LARP1B: variants seen among roughly 807,000 people sequenced by gnomAD.
LARP1B encodes La ribonucleoprotein 1B.
Under a neutral mutation model 114.2 loss-of-function variants are expected in LARP1B, and 76 were observed. The observed-to-expected ratio is 0.67, with a 90% CI of 0.55 to 0.81. LARP1B has a LOEUF of 0.81. LARP1B is among the 30% of genes least tolerant of loss of function. LARP1B has a pLI of 0.00. For missense variants in LARP1B, 1,014 were observed against 1,075.8 expected (o/e 0.94, Z 0.80); for synonymous variants, 345 against 348.0 (o/e 0.99, Z 0.10).
intron 1 of LARP1B, among the ~76,000 whole-genome samples, chr4:128,068,689 A>G (rs977287203): frequency 6.6e-6 from 1 of 152,004 alleles, no homozygotes; most frequent in Non-Finnish European, 1.5e-5. Flanking sequence ...CTGCTATTAC[A>G]GGTGTGAGCC....
At chr4:128,111,370 T>C (rs1784058227) in intron 9 of LARP1B, among the ~76,000 whole-genome samples, 1 of 152,106 alleles carries the variant, frequency 6.6e-6, no homozygotes, top group Admixed American at 6.5e-5. Context: ...TAAGGCTTTA[T>C]TTAATATGAA....
intron 11 of LARP1B, among the ~76,000 whole-genome samples, chr4:128,130,230 A>G (rs1215032424): frequency 6.6e-6 from 1 of 152,350 alleles, no homozygotes; most frequent in Admixed American, 6.5e-5. Context: ...TGACTGCTAG[A>G]AAATATTTAC....
At chr4:128,155,463 G>T (rs1019190611) in intron 11 of LARP1B, 2 of 755,766 alleles carry the variant, frequency 2.6e-6, no homozygotes, top group Non-Finnish European at 4.8e-6. Flanking sequence ...GCAGCCCCCC[G>T]GCCGCAGTGC....
At chr4:128,180,232 A>G (rs1034615822) in intron 15 of LARP1B, among the ~76,000 whole-genome samples, 1 of 152,176 alleles carries the variant, frequency 6.6e-6, no homozygotes, top group Non-Finnish European at 1.5e-5. Flanking sequence ...GATTACAGGC[A>G]TGAGCCACCT....
intron 1 of LARP1B, among the ~76,000 whole-genome samples, chr4:128,066,165 C>CTTTTTTTTTTTTTTTTTTT (rs59927866): frequency 1.8e-4 from 18 of 99,186 alleles, no homozygotes; most frequent in South Asian, 4.4e-4. Context: ...TTTCTTTCTT[C>CTTTTTTTTTTTTTTTTTTT]TTTTTTTTTT....
chr4:128,123,103 G>T (rs1008164139), intron 11 of LARP1B: 2 of 985,408 alleles, frequency 2.0e-6, no homozygotes, highest in Non-Finnish European at 2.4e-6. Context: ...CTGCCTGTCG[G>T]TGGGGCTTCA....
rs1424446006 is a variant in LARP1B, at chr4:128,098,272, T to C, written c.755T>C (p.Leu252Pro). 1 of 1,614,036 alleles carries C rather than the reference T, an allele frequency of 6.2e-7. No homozygotes were observed. Among genetic ancestry groups the C allele is most frequent in the Non-Finnish European group, 8.5e-7 (1 of 1,179,904 alleles). ...GAACAAGGTTTCTTGCCTATTTCCC[T>C]GATTGCTGGTTTTCAGCGTGTTCAG... ...MDEQGFLPIS[L>P]IAGFQRVQAL... Residue 252 changes from leucine to proline, a missense_variant, in exon 8 of 20, where the codon CTG becomes CCG. By Grantham distance (98) the Leu-to-Pro change is moderately conservative. Coordinates refer to ENST00000326639, the MANE Select transcript of LARP1B (RefSeq NM_018078.4).
intron 7 of LARP1B, among the ~76,000 whole-genome samples, chr4:128,093,567 G>T (rs1039109009): frequency 3.3e-5 from 5 of 151,978 alleles, no homozygotes; most frequent in Non-Finnish European, 7.4e-5. Flanking sequence ...CTGCAGTCCG[G>T]CCTGGGCAAA....
intron 17 of LARP1B, among the ~76,000 whole-genome samples, chr4:128,204,335 A>T (rs1756947764): frequency 6.6e-6 from 1 of 152,114 alleles, no homozygotes; most frequent in South Asian, 2.1e-4. Context: ...ACTATAGTCA[A>T]TGGTAGCTTA....
intron 4 of LARP1B, among the ~76,000 whole-genome samples, chr4:128,078,708 A>G (rs1328276180): frequency 1.3e-5 from 2 of 151,796 alleles, no homozygotes; most frequent in African/African-American, 4.8e-5. Flanking sequence ...ATCCTTTTCC[A>G]TTTTCTTTTC....
chr4:128,077,568 A>G lies in LARP1B; in HGVS notation c.43-220A>G, dbSNP rs887967524. On this transcript the variant is annotated intron_variant, in intron 3 of 19. Coordinates refer to ENST00000326639, the MANE Select transcript of LARP1B (RefSeq NM_018078.4). ...TTGTTACTGAGTTTTGAAAGTTCAT[A>G]TGTATTTGAGGTAAAAGTTCTTTAT... is the stretch of plus-strand genomic sequence containing the variant. Among the ~76,000 whole-genome samples, 4 of 149,060 alleles carry G rather than the reference A, an allele frequency of 2.7e-5. No individual in the cohort carries two copies. The East Asian group carries it at 7.9e-4, about 30-fold the overall frequency.
intron 11 of LARP1B, chr4:128,122,454 GTTTT>G: frequency 7.1e-7 from 1 of 1,416,550 alleles, no homozygotes; most frequent in Admixed American, 2.4e-5. Context: ...TTTTTTTTTT[GTTTT>G]GTTTTTTTTT....
At chr4:128,060,955 TCC>T (rs1759926146), upstream of LARP1B, among the ~76,000 whole-genome samples, 1 of 152,094 alleles carries the variant, frequency 6.6e-6, no homozygotes, top group South Asian at 2.1e-4. Flanking sequence ...CGCTCGGTCC[TCC>T]CAGCGCCATG....
intron 1 of LARP1B, among the ~76,000 whole-genome samples, chr4:128,063,294 G>A (rs572553553): frequency 1.3e-5 from 2 of 151,866 alleles, no homozygotes; most frequent in Non-Finnish European, 2.9e-5. Context: ...AGGCGTGGTG[G>A]CGGGCGCCTG....
chr4:128,164,399 TAGAA>T, intron 12 of LARP1B, among the ~76,000 whole-genome samples: 1 of 152,114 alleles, frequency 6.6e-6, no homozygotes, highest in Middle Eastern at 3.2e-3. Flanking sequence ...TTGCACATCA[TAGAA>T]AGCATACAAG....
At chr4:128,149,888 C>T (rs1023458758) in intron 11 of LARP1B, among the ~76,000 whole-genome samples, 2 of 152,212 alleles carry the variant, frequency 1.3e-5, no homozygotes, top group Admixed American at 6.5e-5. Context: ...CGCAGTGGCT[C>T]ACGCCTGTAA....
chr4:128,185,975 T>G (rs1750199692), intron 15 of LARP1B, among the ~76,000 whole-genome samples: 1 of 152,184 alleles, frequency 6.6e-6, no homozygotes, highest in Non-Finnish European at 1.5e-5. Flanking sequence ...TTGTCAAAAA[T>G]GAATTGGCTG....
intron 11 of LARP1B, among the ~76,000 whole-genome samples, chr4:128,152,622 T>C (rs1733390310): frequency 6.6e-6 from 1 of 151,926 alleles, no homozygotes. Flanking sequence ...TATATGTCTG[T>C]TAGTATTCTT....
intron 5 of LARP1B, 42 bp downstream of exon 5, chr4:128,082,347 T>G: frequency 6.4e-7 from 1 of 1,565,704 alleles, no homozygotes; most frequent in Non-Finnish European, 8.8e-7. Flanking sequence ...AGGAAAGACT[T>G]AGTCTTAATG....
Sources: allele counts gnomAD v4.1 joint callset (sites outside exome capture counted in the v4.1 genomes callset), GRCh38; gene constraint gnomAD v4.1.1; transcripts MANE v1.5; gene names NCBI Gene and HGNC (gene_info 2026-07-23, HGNC 2026-07-21).